CSMD1: variants seen among roughly 807,000 people sequenced by gnomAD.
CSMD1 encodes the protein CUB and sushi domain-containing protein 1.
In CSMD1, 213 loss-of-function variants were observed where a neutral mutation model predicts 417.5. The observed-to-expected ratio is 0.51, with a 90% confidence interval of 0.46 to 0.57. The LOEUF (loss-of-function observed/expected upper bound fraction) is 0.57, where lower values mean the gene tolerates loss of function less well. Among genes scored for constraint, CSMD1 ranks in the 20% least tolerant of loss-of-function variants. The pLI is 0.00. For missense variants in CSMD1, 6,923 were observed against 4,529.7 expected (o/e 1.53, Z -15.17); for synonymous variants, 2,862 against 1,736.8 (o/e 1.65, Z -16.11).
chr8:3,311,472 A>C (rs569164744), intron 23 of CSMD1, among the ~76,000 whole-genome samples: 1 of 145,494 alleles, frequency 6.9e-6, no homozygotes, highest in Non-Finnish European at 1.5e-5. Flanking sequence ...CTTGTCTCAA[A>C]CTCCTGACCT....
At chr8:4,809,048 G>C (rs550886556) in intron 1 of CSMD1, among the ~76,000 whole-genome samples, 304 of 152,314 alleles carry the variant, frequency 2.0e-3, no homozygotes, top group African/African-American at 7.1e-3. Context: ...CAGTCACACA[G>C]ATGAGTACAG....
At chr8:4,714,458 A>G (rs1358862635) in intron 1 of CSMD1, among the ~76,000 whole-genome samples, 5 of 152,228 alleles carry the variant, frequency 3.3e-5, no homozygotes, top group African/African-American at 7.2e-5. Context: ...GTCAAAATAC[A>G]TAAGCGCTTT....
At chr8:3,929,593 A>G (rs1809995684) in intron 5 of CSMD1, among the ~76,000 whole-genome samples, 1 of 150,736 alleles carries the variant, frequency 6.6e-6, no homozygotes. Flanking sequence ...TAAAAAATAA[A>G]TGTGGCTGCA....
intron 5 of CSMD1, among the ~76,000 whole-genome samples, chr8:3,954,088 C>T (rs1428775526): frequency 1.3e-5 from 2 of 152,024 alleles, no homozygotes; most frequent in African/African-American, 2.4e-5. Context: ...GAAGCTCGTG[C>T]AGGGGCCTAG....
chr8:4,974,341 T>G (rs747552662), intron 1 of CSMD1, among the ~76,000 whole-genome samples: 7 of 152,172 alleles, frequency 4.6e-5, no homozygotes, highest in Non-Finnish European at 5.9e-5. Flanking sequence ...AGTCTCACAA[T>G]GTCTCACATG....
intron 2 of CSMD1, among the ~76,000 whole-genome samples, chr8:4,460,264 G>A (rs1331133624): frequency 2.0e-5 from 3 of 151,826 alleles, no homozygotes; most frequent in African/African-American, 7.3e-5. Flanking sequence ...GAAATCACTA[G>A]GGAAATTTAA....
intron 39 of CSMD1, among the ~76,000 whole-genome samples, chr8:3,156,554 T>C (rs760315380): frequency 7.2e-5 from 11 of 152,108 alleles, no homozygotes; most frequent in Non-Finnish European, 1.3e-4. Context: ...GATGACTCAC[T>C]GCACCTGCAG....
chr8:4,284,205 T>C (rs904523035), intron 3 of CSMD1, among the ~76,000 whole-genome samples: 3 of 152,056 alleles, frequency 2.0e-5, no homozygotes, highest in Admixed American at 6.6e-5. Flanking sequence ...CTATCTCTAC[T>C]AAAAATACAA....
chr8:3,517,518 C>A (rs1483221321), intron 10 of CSMD1, among the ~76,000 whole-genome samples: 1 of 152,170 alleles, frequency 6.6e-6, no homozygotes, highest in Non-Finnish European at 1.5e-5. Flanking sequence ...TGTCAGGTTC[C>A]AATGTCACAC....
chr8:3,737,961 C>T (rs1004103733), intron 6 of CSMD1, among the ~76,000 whole-genome samples: 3 of 152,140 alleles, frequency 2.0e-5, no homozygotes, highest in Admixed American at 1.3e-4. Flanking sequence ...AAAGAAACAA[C>T]TAAATTACTT....
chr8:4,451,226 G>T (rs772797644), intron 2 of CSMD1, among the ~76,000 whole-genome samples: 1 of 152,112 alleles, frequency 6.6e-6, no homozygotes, highest in Non-Finnish European at 1.5e-5. Flanking sequence ...AACTACTTGG[G>T]AGGCTAAGGA....
At chr8:4,120,841 A>C (rs1802445904) in intron 3 of CSMD1, among the ~76,000 whole-genome samples, 1 of 152,200 alleles carries the variant, frequency 6.6e-6, no homozygotes, top group African/African-American at 2.4e-5. Context: ...AGGAGGGAGA[A>C]GTCTTTTAAA....
At chr8:4,788,687 C>A (rs1331159276) in intron 1 of CSMD1, 2 of 555,818 alleles carry the variant, frequency 3.6e-6, no homozygotes, top group Non-Finnish European at 6.4e-6. Flanking sequence ...AATTAGAGAA[C>A]ACAAATAAAA....
At chr8:4,540,828 G>C (rs1379991804) in intron 2 of CSMD1, among the ~76,000 whole-genome samples, 1 of 151,886 alleles carries the variant, frequency 6.6e-6, no homozygotes, top group Non-Finnish European at 1.5e-5. Context: ...TAAAACTGAG[G>C]CAAAAAAAGG....
rs922879963 is a variant in CSMD1 at position 4,637,384 on chromosome 8, G to A, written c.260C>T (p.Ser87Leu). ...TTGTTGAGGCTGTCCATCGTAAACTGATAAAATATCAAAATCTTCTTCAAG... is the reference window on the plus strand; with the variant it reads ...TTGTTGAGGCTGTCCATCGTAAACTAATAAAATATCAAAATCTTCTTCAAG... ...FALEEDFDILSVYDGQPQQGN... is the reference protein window; with the variant it reads ...FALEEDFDILLVYDGQPQQGN... Residue 87 changes from serine to leucine, a missense_variant, in exon 2 of 70, where the codon TCA becomes TTA. Ser to Leu is a moderately radical substitution (Grantham distance 145). Coordinates refer to ENST00000635120, the MANE Select transcript of CSMD1 (RefSeq NM_033225.6). The A allele has an allele frequency of 1.9e-6, 3 of 1,613,830 alleles. No homozygotes were observed. The highest frequency in any genetic ancestry group is 1.3e-5 in the African/African-American group (1 of 74,900).
At chr8:4,597,291 G>C (rs7018306) in intron 2 of CSMD1, among the ~76,000 whole-genome samples, 61,439 of 151,918 alleles carry the variant, frequency 0.4, 14,419 homozygotes, top group Non-Finnish European at 0.53. Flanking sequence ...AGATATCAAT[G>C]TATTAACTTA....
chr8:3,765,172 G>T (rs973173945), intron 5 of CSMD1, among the ~76,000 whole-genome samples: 1 of 151,898 alleles, frequency 6.6e-6, no homozygotes, highest in Non-Finnish European at 1.5e-5. Flanking sequence ...TTCTTATCAC[G>T]CCCTTTCGTG....
chr8:4,037,563 G>A (rs930263274), intron 3 of CSMD1, among the ~76,000 whole-genome samples: 3 of 152,024 alleles, frequency 2.0e-5, no homozygotes, highest in African/African-American at 7.3e-5. Flanking sequence ...CCTTTGCAAG[G>A]TGCCGTTTTT....
chr8:4,168,317 G>A (rs1333658876), intron 3 of CSMD1, among the ~76,000 whole-genome samples: 1 of 151,798 alleles, frequency 6.6e-6, no homozygotes, highest in African/African-American at 2.4e-5. Context: ...GCTCCCTTGA[G>A]ACCAAAAGGT....
Sources: allele counts gnomAD v4.1 joint callset (sites outside exome capture counted in the v4.1 genomes callset), GRCh38; gene constraint gnomAD v4.1.1; transcripts MANE v1.5; gene names NCBI Gene and HGNC (gene_info 2026-07-23, HGNC 2026-07-21).